The following RNFT2 variants were observed in gnomAD, a reference collection of about 807,000 sequenced individuals.
RNFT2 encodes the protein E3 ubiquitin-protein ligase RNFT2.
A neutral mutation model predicts 53.0 loss-of-function variants in RNFT2; 36 were observed. That is an observed-to-expected ratio of 0.68 (90% CI 0.52 to 0.90). RNFT2 has a LOEUF of 0.90. Among genes scored for constraint, RNFT2 ranks in the 40% least tolerant of loss-of-function variants. The probability of loss-of-function intolerance (pLI) is 0.00; values close to 1 mark genes in which losing one functional copy is unlikely to be tolerated. For missense variants in RNFT2, 514 were observed against 585.6 expected (o/e 0.88, Z 1.26); for synonymous variants, 260 against 253.2 (o/e 1.03, Z -0.26).
At chr12:116,782,372 A>T (rs1173836670) in intron 7 of RNFT2, among the ~76,000 whole-genome samples, 1 of 151,768 alleles carries the variant, frequency 6.6e-6, no homozygotes, top group Non-Finnish European at 1.5e-5. Flanking sequence ...CTAAAAATTT[A>T]AAAAATTAGC....
intron 7 of RNFT2, among the ~76,000 whole-genome samples, chr12:116,812,795 A>G (rs1008324267): frequency 3.3e-5 from 5 of 151,972 alleles, no homozygotes; most frequent in African/African-American, 1.2e-4. Flanking sequence ...TGGCCTCCCA[A>G]AGTGCTGGGA....
chr12:116,785,780 GGC>G (rs1293180290), intron 7 of RNFT2, among the ~76,000 whole-genome samples: 4 of 152,148 alleles, frequency 2.6e-5, no homozygotes, highest in Non-Finnish European at 5.9e-5. Flanking sequence ...CAGGCATTGT[GGC>G]TCACACCTGT....
rs372156237 is a variant in RNFT2, at chr12:116,804,829, T to C, written c.882+25481T>C. ...AAAACATACAAAAATTAGCCAGGCA[T>C]GGTGGTACATGCCTGTAGTTCCAGC... On this transcript the variant is annotated intron_variant, in intron 7 of 10. Coordinates refer to ENST00000257575, the MANE Select transcript of RNFT2 (RefSeq NM_001382266.1). Among the ~76,000 whole-genome samples the C allele has an allele frequency of 3.3e-5, 5 of 152,276 alleles. No homozygotes were observed. In the East Asian group the frequency reaches 9.7e-4, roughly 29 times the overall value.
chr12:116,753,342 G>T (rs1456320747), intron 4 of RNFT2, among the ~76,000 whole-genome samples: 1 of 151,806 alleles, frequency 6.6e-6, no homozygotes, highest in Non-Finnish European at 1.5e-5. Flanking sequence ...CTAGAGATGT[G>T]ATTTCACCAT....
chr12:116,822,346 G>C (rs529306209), intron 7 of RNFT2, among the ~76,000 whole-genome samples: 19 of 150,956 alleles, frequency 1.3e-4, no homozygotes, highest in Non-Finnish European at 2.8e-4. Flanking sequence ...CTCTCTCTCT[G>C]TCTCTCTCTC....
intron 5 of RNFT2, chr12:116,755,313 T>G (rs1348667381): frequency 3.0e-6 from 2 of 672,744 alleles, no homozygotes; most frequent in Admixed American, 5.2e-5. Context: ...TTCTGGGTTC[T>G]CTATTCTGTT....
intron 6 of RNFT2, among the ~76,000 whole-genome samples, chr12:116,778,278 CAGA>C (rs1159834117): frequency 3.3e-5 from 5 of 152,148 alleles, no homozygotes; most frequent in African/African-American, 1.2e-4. Flanking sequence ...TGGGGCCTAG[CAGA>C]AGGTGTTTGG....
chr12:116,825,316 A>C (rs1876269989), intron 7 of RNFT2, among the ~76,000 whole-genome samples: 1 of 152,208 alleles, frequency 6.6e-6, no homozygotes, highest in African/African-American at 2.4e-5. Flanking sequence ...CTGATCTCTT[A>C]AGGCCTAGGC....
chr12:116,781,749 A>G (rs188917053), intron 7 of RNFT2, among the ~76,000 whole-genome samples: 9 of 152,138 alleles, frequency 5.9e-5, no homozygotes, highest in Admixed American at 5.9e-4. Flanking sequence ...CTCTTTTGCC[A>G]CAGAAGGTAA....
At position 116,785,249 on chromosome 12, in the gene RNFT2, CTG is replaced by C. The variant is rs56185708; in HGVS notation, c.882+5926_882+5927del. Among the ~76,000 whole-genome samples, 935 of 139,154 alleles carry C rather than the reference CTG, an allele frequency of 6.7e-3. 13 individuals are homozygous for C. The highest frequency in any genetic ancestry group is 0.023 in the African/African-American group (840 of 36,302). 91.3% of individuals were successfully genotyped at this position (139,154 alleles called of 152,430 possible). ...TCATAGCATTTGTGATTACCTACTT[CTG>C]TGTGTGTGTGTGTGTGTGTGTGTGG... On this transcript the variant is annotated intron_variant, in intron 7 of 10. Coordinates refer to ENST00000257575, the MANE Select transcript of RNFT2 (RefSeq NM_001382266.1).
At chr12:116,801,526 G>C (rs1028548271) in intron 7 of RNFT2, 1 of 152,168 alleles carries the variant, frequency 6.6e-6, no homozygotes, top group African/African-American at 2.4e-5. Flanking sequence ...CAGTTTCTCT[G>C]TCTTTAAAAT....
At chr12:116,787,106 C>G (rs909631129) in intron 7 of RNFT2, among the ~76,000 whole-genome samples, 16 of 152,194 alleles carry the variant, frequency 1.1e-4, no homozygotes, top group African/African-American at 3.9e-4. Flanking sequence ...TTCCTGGTAT[C>G]CTTGAGTGGC....
intron 7 of RNFT2, among the ~76,000 whole-genome samples, chr12:116,799,160 G>C (rs893741475): frequency 2.0e-5 from 3 of 152,168 alleles, no homozygotes; most frequent in African/African-American, 7.2e-5. Flanking sequence ...CTCCATCCTT[G>C]CTGGCTGCCA....
intron 5 of RNFT2, among the ~76,000 whole-genome samples, chr12:116,765,975 C>T (rs1872895947): frequency 6.6e-6 from 1 of 152,092 alleles, no homozygotes; most frequent in Non-Finnish European, 1.5e-5. Context: ...GAATCTGTAC[C>T]AGACTGAATG....
chr12:116,847,140 C>T (rs1877659713), intron 10 of RNFT2, among the ~76,000 whole-genome samples: 1 of 151,972 alleles, frequency 6.6e-6, no homozygotes, highest in African/African-American at 2.4e-5. Context: ...AACTCCTGAC[C>T]TCAGTGATCC....
intron 6 of RNFT2, 124 bp downstream of exon 6, chr12:116,767,038 C>A: frequency 1.6e-6 from 1 of 641,448 alleles, no homozygotes. Flanking sequence ...CCAAATTCCA[C>A]CCTGCTGTTA....
intron 7 of RNFT2, among the ~76,000 whole-genome samples, chr12:116,811,908 T>C (rs1348840463): frequency 6.6e-6 from 1 of 152,212 alleles, no homozygotes; most frequent in African/African-American, 2.4e-5. Flanking sequence ...GCACCAGCCC[T>C]GGACTGGGTC....
In RNFT2 at chr12:116,750,072, C is replaced by A; in HGVS notation, c.315C>A (p.Gly105=). The A allele has an allele frequency of 6.5e-7, 1 of 1,545,254 alleles. No individual in the cohort carries two copies. The highest frequency in any genetic ancestry group is 2.4e-5 in the East Asian group (1 of 41,556). Residue 105 remains glycine, a synonymous_variant, in exon 4 of 11, where the codon GGC becomes GGA. Coordinates refer to ENST00000257575, the MANE Select transcript of RNFT2 (RefSeq NM_001382266.1). ...AAGGAGGGGGCCGGGGCGAGGGGGG[C>A]GCCTACCACCACCGCCAGCCCCACC... ...REEGGGRGEG[G]AYHHRQPHHH...
chr12:116,841,820 A>ATATATAT (rs1877291503), intron 10 of RNFT2, among the ~76,000 whole-genome samples: 5 of 42,570 alleles, frequency 1.2e-4, no homozygotes, highest in Non-Finnish European at 1.9e-4. Flanking sequence ...TATATATAAA[A>ATATATAT]ATATATATAT....
Sources: gnomAD v4.1 joint callset for allele counts (sites outside exome capture counted in the v4.1 genomes callset) on GRCh38, gnomAD v4.1.1 for gene constraint, MANE v1.5 for transcripts, NCBI Gene and HGNC (gene_info 2026-07-23, HGNC 2026-07-21) for gene names.